The following CYSTM1 variants were observed in gnomAD, a reference collection of about 807,000 sequenced individuals.
The protein encoded by CYSTM1 is cysteine rich transmembrane module containing 1.
CYSTM1 carries 4 observed loss-of-function variants against 13.1 expected under a neutral mutation model. The observed-to-expected ratio is 0.31, with a 90% confidence interval of 0.15 to 0.70. CYSTM1 has a LOEUF of 0.70. Among genes scored for constraint, CYSTM1 ranks in the 30% least tolerant of loss-of-function variants. CYSTM1 has a pLI of 0.72. For missense variants in CYSTM1, 96 were observed against 121.6 expected (o/e 0.79, Z 0.99); for synonymous variants, 36 against 42.7 (o/e 0.84, Z 0.62).
Position 140,219,862 on chromosome 5 carries a change from T to A in CYSTM1, c.188-23443T>A, listed in dbSNP as rs1016751483. 1.3e-5 allele frequency among the ~76,000 whole-genome samples: 2 copies of A among 152,236 alleles called. No individual in the cohort carries two copies. Among genetic ancestry groups the A allele is most frequent in the African/African-American group, 4.8e-5 (2 of 41,468 alleles). On this transcript the variant is annotated intron_variant, in intron 2 of 2. Coordinates refer to ENST00000261811, the MANE Select transcript of CYSTM1 (RefSeq NM_032412.4). This position sits in a 1 kb window ranked among gnomAD's most constrained non-coding sequence, Gnocchi z 4.1. ...GATAACAGAGTAGTCTGTGCCTGCC[T>A]GTGCCTGGACACTAATTGGAAAAAC... is the stretch of plus-strand genomic sequence containing the variant.
Position 140,239,368 on chromosome 5 carries a change from G to A in CYSTM1, c.188-3937G>A, listed in dbSNP as rs17286641. On this transcript the variant is annotated intron_variant, in intron 2 of 2. Coordinates refer to ENST00000261811, the MANE Select transcript of CYSTM1 (RefSeq NM_032412.4). This position sits in a 1 kb window ranked among gnomAD's most constrained non-coding sequence, Gnocchi z 5.4. ...AGGTTTCTGAGTAGCCCATGTGAAT[G>A]TCATCTCTGGGAATGTACAATACAG... 0.23 allele frequency among the ~76,000 whole-genome samples: 34,372 copies of A among 152,006 alleles called. 4,353 individuals carry two copies. The highest frequency in any genetic ancestry group is 0.46 in the South Asian group (2,238 of 4,814).
At chr5:140,226,520 TATATA>T (rs1260578485) in intron 2 of CYSTM1, among the ~76,000 whole-genome samples, 64 of 122,222 alleles carry the variant, frequency 5.2e-4, no homozygotes, top group Middle Eastern at 3.8e-3. Context: ...ATATTAATAA[TATATA>T]ATATATTTAT....
intron 2 of CYSTM1, among the ~76,000 whole-genome samples, chr5:140,224,491 G>A (rs1764526484): frequency 6.6e-6 from 1 of 152,102 alleles, no homozygotes; most frequent in Admixed American, 6.6e-5. Flanking sequence ...ATCTTCACTA[G>A]AGGTTATTTA....
At chr5:140,187,346 T>C (rs1014498897) in intron 1 of CYSTM1, among the ~76,000 whole-genome samples, 1 of 151,524 alleles carries the variant, frequency 6.6e-6, no homozygotes, top group East Asian at 1.9e-4. Context: ...TAAGATCTGC[T>C]CTCATAGTTT....
At chr5:140,190,834 T>C (rs537221729) in intron 1 of CYSTM1, among the ~76,000 whole-genome samples, 26 of 152,356 alleles carry the variant, frequency 1.7e-4, no homozygotes, top group South Asian at 1.7e-3. Flanking sequence ...AGAGTTCTGA[T>C]TTGTCTTTAA....
At chr5:140,177,704 C>A (rs182999161) in intron 1 of CYSTM1, among the ~76,000 whole-genome samples, 34 of 152,234 alleles carry the variant, frequency 2.2e-4, no homozygotes, top group Admixed American at 1.2e-3. Flanking sequence ...AGTTTTTTCC[C>A]CGTGTGTTCC....
At chr5:140,217,462 A>G (rs1581068225) in intron 2 of CYSTM1, among the ~76,000 whole-genome samples, 1 of 151,100 alleles carries the variant, frequency 6.6e-6, no homozygotes, top group Non-Finnish European at 1.5e-5. Context: ...TACTAGGCCC[A>G]CTCTCCCTGG....
chr5:140,208,385 C>T (rs147043215), intron 2 of CYSTM1, among the ~76,000 whole-genome samples: 189 of 152,246 alleles, frequency 1.2e-3, no homozygotes, highest in African/African-American at 4.1e-3. Context: ...ATCTAAAAAT[C>T]AGAACAATTG....
chr5:140,209,516 G>A (rs1464821676), intron 2 of CYSTM1, among the ~76,000 whole-genome samples: 15 of 151,618 alleles, frequency 9.9e-5, no homozygotes, highest in Non-Finnish European at 1.9e-4. Flanking sequence ...TGCAACCTCC[G>A]CCTCCCGGGT....
chr5:140,180,073 T>C (rs1446262400), intron 1 of CYSTM1, among the ~76,000 whole-genome samples: 2 of 152,160 alleles, frequency 1.3e-5, no homozygotes, highest in African/African-American at 2.4e-5. Context: ...TGACCCAGCA[T>C]CTTTTTTAAC....
chr5:140,186,523 A>G (rs537850081), intron 1 of CYSTM1, among the ~76,000 whole-genome samples: 19 of 152,300 alleles, frequency 1.2e-4, no homozygotes, highest in Admixed American at 1.2e-3. Context: ...TTCTATTAGA[A>G]TCTTTCTCTG....
chr5:140,205,352 G>A (rs1222420956), intron 2 of CYSTM1, among the ~76,000 whole-genome samples: 1 of 152,158 alleles, frequency 6.6e-6, no homozygotes, highest in Non-Finnish European at 1.5e-5. Context: ...GAAATTTAAC[G>A]GTCTGGCATC....
intron 2 of CYSTM1, among the ~76,000 whole-genome samples, chr5:140,198,774 CAG>C (rs1344734119): frequency 6.6e-6 from 1 of 152,210 alleles, no homozygotes; most frequent in African/African-American, 2.4e-5. Context: ...AGTATATCAA[CAG>C]AGTTTTTCAA....
At chr5:140,240,512 T>C (rs1764735593) in intron 2 of CYSTM1, among the ~76,000 whole-genome samples, 1 of 151,502 alleles carries the variant, frequency 6.6e-6, no homozygotes, top group Admixed American at 6.6e-5. Flanking sequence ...AGGACCCAGG[T>C]AGCATGGGGT....
chr5:140,187,389 A>G (rs1375065754), intron 1 of CYSTM1, among the ~76,000 whole-genome samples: 1 of 151,618 alleles, frequency 6.6e-6, no homozygotes, highest in Non-Finnish European at 1.5e-5. Flanking sequence ...TTTTGAGATA[A>G]GGTCTTGCAC....
chr5:140,188,821 A>G (rs1024619281), intron 1 of CYSTM1, among the ~76,000 whole-genome samples: 1 of 152,144 alleles, frequency 6.6e-6, no homozygotes, highest in Admixed American at 6.5e-5. Context: ...TATAATAAAA[A>G]TTGCCCACAA....
chr5:140,194,594 C>T lies in CYSTM1; in HGVS notation c.129C>T (p.Tyr43=), dbSNP rs763390794. The T allele has an allele frequency of 3.1e-6, 5 of 1,613,512 alleles. No homozygotes were observed. Among genetic ancestry groups the T allele is most frequent in the East Asian group, 2.2e-5 (1 of 44,870 alleles). Residue 43 remains tyrosine (Y), a synonymous_variant, in exon 2 of 3, where the codon TAC becomes TAT. Coordinates refer to ENST00000261811, the MANE Select transcript of CYSTM1 (RefSeq NM_032412.4). Reference sequence around the variant, plus strand: ...ACCCACCTCCTCAAGGGTACCCCTACCAAGGATACCCACAGTACGGCTGGC... The same window carrying T: ...ACCCACCTCCTCAAGGGTACCCCTATCAAGGATACCCACAGTACGGCTGGC... ...GPYPPPQGYP[Y]QGYPQYGWQG... is the part of the protein sequence containing the mutation.
rs761303862 is a variant in CYSTM1, at chr5:140,190,736, T to G, written c.-20-3710T>G. On this transcript the variant is annotated intron_variant, in intron 1 of 2. Coordinates refer to ENST00000261811, the MANE Select transcript of CYSTM1 (RefSeq NM_032412.4). ...TGACTGCTAATCCCGTGACTCTGAG[T>G]ATGTCTTGAATGAGATCGTGGGATA... Among the ~76,000 whole-genome samples the G allele has an allele frequency of 1.2e-4, 18 of 152,314 alleles. 1 individual carries two copies. The highest frequency in any genetic ancestry group is 8.3e-4 in the South Asian group (4 of 4,820).
At chr5:140,236,083 GC>G (rs1487668900) in intron 2 of CYSTM1, among the ~76,000 whole-genome samples, 2 of 152,188 alleles carry the variant, frequency 1.3e-5, no homozygotes, top group Non-Finnish European at 2.9e-5. Context: ...AGAGGACATT[GC>G]CCCCATAAAC....
Sources: gnomAD v4.1 joint callset for allele counts (sites outside exome capture counted in the v4.1 genomes callset) on GRCh38, gnomAD v4.1.1 for gene constraint, Gnocchi (gnomAD v3.1) non-coding constraint, MANE v1.5 for transcripts, NCBI Gene and HGNC (gene_info 2026-07-23, HGNC 2026-07-21) for gene names.